The following UNC5D variants were observed in gnomAD, a reference collection of about 807,000 sequenced individuals.
The protein encoded by UNC5D is netrin receptor UNC5D.
UNC5D carries 39 observed loss-of-function variants against 105.4 expected under a neutral mutation model. That is an observed-to-expected ratio of 0.37 (90% CI 0.29 to 0.48). The LOEUF (loss-of-function observed/expected upper bound fraction) is 0.48, where lower values mean the gene tolerates loss of function less well. UNC5D is among the 20% of genes least tolerant of loss of function. The probability of loss-of-function intolerance (pLI) is 0.98; values close to 1 mark genes in which losing one functional copy is unlikely to be tolerated. For missense variants in UNC5D, 991 were observed against 1,202.4 expected (o/e 0.82, Z 2.60); for synonymous variants, 452 against 450.4 (o/e 1.00, Z -0.04).
intron 1 of UNC5D, among the ~76,000 whole-genome samples, chr8:35,267,094 T>G (rs991412474): frequency 2.0e-5 from 3 of 151,772 alleles, no homozygotes; most frequent in Non-Finnish European, 2.9e-5. Context: ...TTTTTTTTTT[T>G]TTTTTTGATG....
intron 6 of UNC5D, among the ~76,000 whole-genome samples, chr8:35,685,086 A>G (rs896755083): frequency 2.6e-5 from 4 of 152,124 alleles, no homozygotes; most frequent in South Asian, 2.1e-4. Flanking sequence ...TGTGGCCTTT[A>G]TTTGTATAAT....
intron 1 of UNC5D, among the ~76,000 whole-genome samples, chr8:35,538,395 T>TTTTATATATA (rs1491227026): frequency 2.4e-5 from 2 of 82,446 alleles, no homozygotes; most frequent in African/African-American, 8.0e-5. Context: ...AAAAAAATAA[T>TTTTATATATA]TATATATATA....
intron 1 of UNC5D, among the ~76,000 whole-genome samples, chr8:35,314,902 A>G (rs547907087): frequency 4.9e-4 from 75 of 152,304 alleles, no homozygotes; most frequent in Middle Eastern, 3.4e-3. Context: ...AAGGGATATT[A>G]AACACCACGT....
At chr8:35,249,357 A>G (rs975069292) in intron 1 of UNC5D, among the ~76,000 whole-genome samples, 4 of 149,462 alleles carry the variant, frequency 2.7e-5, no homozygotes, top group Non-Finnish European at 5.9e-5. Context: ...CAAGAGTTCG[A>G]GATCAGAGTG....
At chr8:35,778,077 T>A (rs926199994) in intron 16 of UNC5D, among the ~76,000 whole-genome samples, 2 of 152,208 alleles carry the variant, frequency 1.3e-5, no homozygotes, top group Non-Finnish European at 2.9e-5. Context: ...TTCCAAAATA[T>A]CAGCCTTCAT....
intron 1 of UNC5D, among the ~76,000 whole-genome samples, chr8:35,487,718 A>T (rs1810927352): frequency 6.6e-6 from 1 of 152,174 alleles, no homozygotes; most frequent in Non-Finnish European, 1.5e-5. Context: ...TGAGTGAGGG[A>T]TATAGGTAGA....
intron 1 of UNC5D, among the ~76,000 whole-genome samples, chr8:35,357,093 T>C (rs1406375): frequency 0.023 from 3,525 of 152,270 alleles, 143 homozygotes; most frequent in African/African-American, 0.082. Flanking sequence ...GCTGCCATCA[T>C]CTCTTGTTCA....
intron 11 of UNC5D, among the ~76,000 whole-genome samples, chr8:35,737,933 C>T (rs1023400164): frequency 6.6e-6 from 1 of 152,038 alleles, no homozygotes; most frequent in African/African-American, 2.4e-5. Flanking sequence ...ATGGAAAAAC[C>T]CAGTCTCTAC....
chr8:35,728,269 AGTGTATGTAT>A (rs1828997373), intron 10 of UNC5D, among the ~76,000 whole-genome samples: 1 of 151,544 alleles, frequency 6.6e-6, no homozygotes, highest in East Asian at 1.9e-4. Context: ...CTCCTTTCTT[AGTGTATGTAT>A]GTGTGTGTGT....
chr8:35,726,254 T>G lies in UNC5D; in HGVS notation c.1406T>G (p.Met469Arg), dbSNP rs978805931. 3 of 1,614,024 alleles carry G rather than the reference T, an allele frequency of 1.9e-6. No individual in the cohort carries two copies. In the African/African-American group the frequency reaches 4.0e-5, roughly 22 times the overall value. The stretch of plus-strand genomic sequence containing the variant: ...CAGGACCCTCTGGACAAGGAGCTCA[T>G]GACAGAGTCCTCACTCTTTAACCCT... ...CLQDPLDKELMTESSLFNPLS... is the reference protein window; with the variant it reads ...CLQDPLDKELRTESSLFNPLS... The change falls in exon 10 of 17, where the codon ATG becomes AGG. Residue 469 changes from methionine to arginine, a missense_variant. By Grantham distance (91) the Met-to-Arg change is moderately conservative. This residue lies in a region of UNC5D where 944 missense variants were observed against 1,131.6 expected (regional missense o/e 0.83). Coordinates refer to ENST00000404895, the MANE Select transcript of UNC5D (RefSeq NM_080872.4).
chr8:35,239,706 C>T (rs140678117), intron 1 of UNC5D, among the ~76,000 whole-genome samples: 5 of 152,134 alleles, frequency 3.3e-5, no homozygotes, highest in East Asian at 1.9e-4. Flanking sequence ...ATTGTCCCTT[C>T]GTCCAGGCTG....
intron 4 of UNC5D, among the ~76,000 whole-genome samples, chr8:35,600,419 A>G (rs1819786012): frequency 6.6e-6 from 1 of 152,188 alleles, no homozygotes; most frequent in African/African-American, 2.4e-5. Context: ...AGTCTCACCA[A>G]CAGTGTAAAA....
intron 14 of UNC5D, among the ~76,000 whole-genome samples, chr8:35,765,836 G>A (rs149067077): frequency 1.1e-3 from 174 of 152,216 alleles, no homozygotes; most frequent in African/African-American, 4.1e-3. Context: ...TTCAGTTCTA[G>A]TATTGCAGAA....
At chr8:35,426,483 T>C (rs978949647) in intron 1 of UNC5D, among the ~76,000 whole-genome samples, 1 of 152,178 alleles carries the variant, frequency 6.6e-6, no homozygotes, top group South Asian at 2.1e-4. Flanking sequence ...ATTATGAAGA[T>C]GAAACCAAGT....
intron 1 of UNC5D, among the ~76,000 whole-genome samples, chr8:35,237,308 G>C (rs940611772): frequency 6.7e-6 from 1 of 149,726 alleles, no homozygotes; most frequent in Non-Finnish European, 1.5e-5. Context: ...CGTACTGGAA[G>C]AAGCACAAGC....
intron 4 of UNC5D, among the ~76,000 whole-genome samples, chr8:35,596,809 T>C (rs1420038635): frequency 1.3e-5 from 2 of 152,290 alleles, no homozygotes; most frequent in South Asian, 2.1e-4. Context: ...AGATATGCAT[T>C]TATCTCAGTG....
At chr8:35,577,231 A>G (rs1818155757) in intron 3 of UNC5D, among the ~76,000 whole-genome samples, 1 of 152,202 alleles carries the variant, frequency 6.6e-6, no homozygotes. Context: ...ACTATTATCT[A>G]TTCTAGGGGC....
intron 1 of UNC5D, among the ~76,000 whole-genome samples, chr8:35,455,503 T>C (rs1431503507): frequency 6.6e-6 from 1 of 152,058 alleles, no homozygotes; most frequent in Non-Finnish European, 1.5e-5. Context: ...GGTCTTGAAC[T>C]CCTGATCTCA....
chr8:35,479,515 A>G (rs1434422236), intron 1 of UNC5D, among the ~76,000 whole-genome samples: 3 of 152,178 alleles, frequency 2.0e-5, no homozygotes, highest in East Asian at 1.9e-4. Context: ...ACTGTTCACA[A>G]TGGCAGCAGC....
Sources: gnomAD v4.1 joint callset for allele counts (sites outside exome capture counted in the v4.1 genomes callset) on GRCh38, gnomAD v4.1.1 for gene constraint, gnomAD v4.1.1 regional missense constraint, MANE v1.5 for transcripts, NCBI Gene and HGNC (gene_info 2026-07-23, HGNC 2026-07-21) for gene names.